Variants in MTUS2 observed in about 807,000 individuals in gnomAD.
MTUS2 encodes the protein microtubule-associated tumor suppressor candidate 2.
MTUS2 carries 40 observed loss-of-function variants against 114.1 expected under a neutral mutation model. The ratio of observed to expected loss-of-function variants is 0.35; its 90% CI spans 0.27 to 0.46. MTUS2 has a LOEUF of 0.46. Ranked by LOEUF, MTUS2 falls within the 20% of genes least tolerant of loss-of-function variation. The pLI, the probability that MTUS2 is intolerant of heterozygous loss-of-function variation, is 1.00. For missense variants in MTUS2, 1,679 were observed against 1,705.4 expected (o/e 0.98, Z 0.27); for synonymous variants, 688 against 672.0 (o/e 1.02, Z -0.37).
intron 8 of MTUS2, among the ~76,000 whole-genome samples, chr13:29,383,217 A>AGTGTGTGTGTGTGTGT (rs1297604822): frequency 1.9e-5 from 2 of 105,514 alleles, no homozygotes; most frequent in Non-Finnish European, 2.2e-5. Flanking sequence ...AGGAAAATTG[A>AGTGTGTGTGTGTGTGT]GTGTGTGTGT....
intron 5 of MTUS2, among the ~76,000 whole-genome samples, chr13:29,257,279 A>G (rs776142004): frequency 2.6e-5 from 4 of 152,026 alleles, no homozygotes; most frequent in Non-Finnish European, 5.9e-5. Flanking sequence ...TGGAGTCCAA[A>G]CTCCCTAATG....
intron 2 of MTUS2, among the ~76,000 whole-genome samples, chr13:28,955,826 G>C (rs1000636423): frequency 2.0e-5 from 3 of 151,722 alleles, no homozygotes; most frequent in African/African-American, 7.3e-5. Flanking sequence ...GCCACTGCAG[G>C]CCTTCATGGC....
chr13:29,083,785 A>G (rs768712513), intron 4 of MTUS2, among the ~76,000 whole-genome samples: 2 of 152,196 alleles, frequency 1.3e-5, no homozygotes, highest in East Asian at 1.9e-4. Flanking sequence ...GGTATGGTCC[A>G]TGGGGTCTCA....
chr13:29,427,629 C>T (rs1004489025), intron 8 of MTUS2, among the ~76,000 whole-genome samples: 15 of 152,180 alleles, frequency 9.9e-5, no homozygotes, highest in African/African-American at 3.4e-4. Context: ...CAGTCTGTTC[C>T]TATGTGATCA....
At chr13:28,843,869 G>A (rs1371153244) in intron 2 of MTUS2, among the ~76,000 whole-genome samples, 3 of 152,302 alleles carry the variant, frequency 2.0e-5, no homozygotes, top group Middle Eastern at 3.4e-3. Flanking sequence ...GTAGGCAAAC[G>A]AAATGGCTTT....
chr13:29,389,377 A>ACACGTGTGTGTG lies in MTUS2; in HGVS notation c.3117+29904_3117+29905insCACGTGTGTGTG, dbSNP rs1566172704. ...TATATATGTATGCACGTGTGTGTATATATGTATACACGTGTGTGTATATAT... is the reference window on the plus strand; with the variant it reads ...TATATATGTATGCACGTGTGTGTATACACGTGTGTGTGTATGTATACACGTGTGTGTATATAT... On this transcript the variant is annotated intron_variant, in intron 8 of 15. Transcript: ENST00000612955. Among the ~76,000 whole-genome samples the ACACGTGTGTGTG allele has an allele frequency of 2.1e-3, 126 of 59,864 alleles. 8 individuals carry two copies. Among genetic ancestry groups the ACACGTGTGTGTG allele is most frequent in the African/African-American group, 3.6e-3 (55 of 15,330 alleles). The allele number at this position is 59,864 out of a possible 152,430, so 39.3% of individuals were successfully genotyped here.
intron 5 of MTUS2, among the ~76,000 whole-genome samples, chr13:29,145,002 G>T (rs959034188): frequency 5.3e-5 from 8 of 152,028 alleles, no homozygotes; most frequent in Admixed American, 3.3e-4. Context: ...CATTTCTCTT[G>T]GTACTTTTGG....
At chr13:29,138,868 A>C (rs1485043139) in intron 5 of MTUS2, among the ~76,000 whole-genome samples, 3 of 152,168 alleles carry the variant, frequency 2.0e-5, no homozygotes, top group Non-Finnish European at 4.4e-5. Context: ...TGAGTGAAAA[A>C]TTATCAGTTA....
At chr13:28,888,865 C>T (rs2137904078) in intron 2 of MTUS2, among the ~76,000 whole-genome samples, 1 of 152,278 alleles carries the variant, frequency 6.6e-6, no homozygotes, top group South Asian at 2.1e-4. Flanking sequence ...CTTTGGGTTG[C>T]ATCCTTTACA....
At chr13:29,169,742 T>C (rs1893474340) in intron 5 of MTUS2, among the ~76,000 whole-genome samples, 1 of 152,230 alleles carries the variant, frequency 6.6e-6, no homozygotes, top group East Asian at 1.9e-4. Context: ...CTTAAGGATT[T>C]TTCCAGCCAG....
At chr13:29,374,383 T>C (rs1183502329) in intron 8 of MTUS2, among the ~76,000 whole-genome samples, 1 of 152,182 alleles carries the variant, frequency 6.6e-6, no homozygotes, top group South Asian at 2.1e-4. Context: ...AGGAAATTCA[T>C]ATCTAGATAT....
intron 5 of MTUS2, among the ~76,000 whole-genome samples, chr13:29,158,265 G>A (rs907543936): frequency 4.0e-5 from 6 of 151,140 alleles, no homozygotes; most frequent in Non-Finnish European, 8.8e-5. Flanking sequence ...CAGGCACTGA[G>A]TGACTTTCAT....
intron 8 of MTUS2, among the ~76,000 whole-genome samples, chr13:29,373,809 G>T (rs1016991186): frequency 6.6e-6 from 1 of 152,202 alleles, no homozygotes; most frequent in Admixed American, 6.5e-5. Flanking sequence ...TATTCAAAAT[G>T]CTTAGAACAC....
chr13:29,352,456 AT>A (rs1203856103), intron 7 of MTUS2, among the ~76,000 whole-genome samples: 1 of 152,188 alleles, frequency 6.6e-6, no homozygotes, highest in African/African-American at 2.4e-5. Context: ...AAATATCCTT[AT>A]TGAGTGTTTT....
chr13:29,430,610 C>A (rs4130080), intron 8 of MTUS2, among the ~76,000 whole-genome samples: 28,276 of 152,084 alleles, frequency 0.19, 3,067 homozygotes, highest in East Asian at 0.48. Flanking sequence ...AATAGTATTC[C>A]CATTTGAAGT....
At chr13:28,892,317 C>A (rs1878981652) in intron 2 of MTUS2, among the ~76,000 whole-genome samples, 1 of 152,110 alleles carries the variant, frequency 6.6e-6, no homozygotes, top group South Asian at 2.1e-4. Context: ...CCTGGGGCAG[C>A]TGGTGCTGGA....
intron 2 of MTUS2, among the ~76,000 whole-genome samples, chr13:28,853,223 A>T (rs1189834796): frequency 1.3e-5 from 2 of 152,218 alleles, no homozygotes; most frequent in East Asian, 3.8e-4. Flanking sequence ...AGAGGTAAAA[A>T]GTCCCATCTA....
chr13:29,274,679 A>G (rs139850834), intron 5 of MTUS2, among the ~76,000 whole-genome samples: 215 of 152,222 alleles, frequency 1.4e-3, no homozygotes, highest in African/African-American at 4.9e-3. Context: ...TGTTTATTCA[A>G]ATCCCTTTCT....
At chr13:29,085,130 C>T (rs1889633015) in intron 4 of MTUS2, among the ~76,000 whole-genome samples, 1 of 152,188 alleles carries the variant, frequency 6.6e-6, no homozygotes, top group African/African-American at 2.4e-5. Flanking sequence ...ATGTGACATG[C>T]AGGCTTCCCT....
Sources: gnomAD v4.1 joint callset for allele counts (sites outside exome capture counted in the v4.1 genomes callset) on GRCh38, gnomAD v4.1.1 for gene constraint, MANE v1.5 for transcripts, NCBI Gene and HGNC (gene_info 2026-07-23, HGNC 2026-07-21) for gene names.